The following ROR1 variants were observed in gnomAD, a reference collection of about 807,000 sequenced individuals.
ROR1 encodes ROR family WNT receptor 1.
ROR1 carries 19 observed loss-of-function variants against 78.8 expected under a neutral mutation model. The observed-to-expected ratio is 0.24, with a 90% CI of 0.17 to 0.35. The LOEUF is 0.35. Ranked by LOEUF, ROR1 falls within the 10% of genes least tolerant of loss-of-function variation. The probability of loss-of-function intolerance (pLI) is 1.00; values close to 1 mark genes in which losing one functional copy is unlikely to be tolerated. For missense variants in ROR1, 917 were observed against 1,177.8 expected, an observed-to-expected ratio of 0.78 and a Z score of 3.24; for synonymous variants, 386 against 433.6, an observed-to-expected ratio of 0.89 and a Z score of 1.36.
At chr1:63,788,284 G>A (rs999953662) in intron 1 of ROR1, among the ~76,000 whole-genome samples, 4 of 152,162 alleles carry the variant, frequency 2.6e-5, no homozygotes, top group Non-Finnish European at 5.9e-5. Context: ...ATTCAGAAAT[G>A]TATAATGAAA....
chr1:64,054,478 G>A (rs185758127), intron 4 of ROR1, among the ~76,000 whole-genome samples: 2 of 152,164 alleles, frequency 1.3e-5, no homozygotes, highest in East Asian at 3.9e-4. Context: ...TTAATTTGGA[G>A]AAACTTCACT....
At chr1:63,940,097 A>T (rs1041449696) in intron 1 of ROR1, among the ~76,000 whole-genome samples, 1 of 152,072 alleles carries the variant, frequency 6.6e-6, no homozygotes, top group African/African-American at 2.4e-5. Context: ...CTCTGTAGTG[A>T]CTCATGAGCC....
intron 1 of ROR1, chr1:63,789,140 C>A: frequency 1.7e-6 from 1 of 601,078 alleles, no homozygotes; most frequent in Non-Finnish European, 3.2e-6. Context: ...AATGGACAGT[C>A]ATTGGCTTGC....
Position 63,865,780 on chromosome 1 carries a change from G to C in ROR1, c.91+91272G>C, listed in dbSNP as rs1449228227. Among the ~76,000 whole-genome samples the C allele has an allele frequency of 2.0e-5, 3 of 152,194 alleles. No homozygotes were observed. The East Asian group carries it at 5.8e-4, about 29-fold the overall frequency. The stretch of plus-strand genomic sequence containing the variant: ...AACAAATATTTTATTGGATTTGATT[G>C]TACATAGCGCTTGTGACTGAATCAG... On this transcript the variant is annotated intron_variant, in intron 1 of 8. Coordinates refer to ENST00000371079, the MANE Select transcript of ROR1 (RefSeq NM_005012.4).
At chr1:64,141,074 T>C (rs1434347796) in intron 6 of ROR1, among the ~76,000 whole-genome samples, 3 of 152,172 alleles carry the variant, frequency 2.0e-5, no homozygotes, top group East Asian at 1.9e-4. Flanking sequence ...ATATGGGGTT[T>C]CCTCTTAGGG....
Position 63,912,653 on chromosome 1 carries a change from G to A in ROR1, c.92-96652G>A, listed in dbSNP as rs186602106. On this transcript the variant is annotated intron_variant, in intron 1 of 8. Coordinates refer to ENST00000371079, the MANE Select transcript of ROR1 (RefSeq NM_005012.4). ...AGACAGTTAAGCAGAACATTCAGCCGGAGTTGTATCCTTGACACTGTTGGG... is the reference window on the plus strand; with the variant it reads ...AGACAGTTAAGCAGAACATTCAGCCAGAGTTGTATCCTTGACACTGTTGGG... Among the ~76,000 whole-genome samples the A allele has an allele frequency of 3.9e-5, 6 of 152,272 alleles. No homozygotes were observed. In the South Asian group the frequency reaches 8.3e-4, roughly 21 times the overall value.
At chr1:63,869,710 A>G (rs369445960) in intron 1 of ROR1, among the ~76,000 whole-genome samples, 1 of 152,210 alleles carries the variant, frequency 6.6e-6, no homozygotes, top group East Asian at 1.9e-4. Context: ...GTTGCAAAAC[A>G]ACACTCATGG....
intron 6 of ROR1, among the ~76,000 whole-genome samples, chr1:64,141,657 T>C (rs946420009): frequency 6.6e-5 from 10 of 152,198 alleles, no homozygotes; most frequent in African/African-American, 2.2e-4. Context: ...TACATTTCCC[T>C]TTCATCTAGA....
At chr1:64,014,740 C>CTATGTGTATATATA (rs1646504735) in intron 2 of ROR1, among the ~76,000 whole-genome samples, 2 of 29,048 alleles carry the variant, frequency 6.9e-5, no homozygotes, top group African/African-American at 2.2e-4. Flanking sequence ...CATACGCACA[C>CTATGTGTATATATA]TATATATATA....
At chr1:63,913,058 G>C (rs1438070561) in intron 1 of ROR1, among the ~76,000 whole-genome samples, 2 of 151,666 alleles carry the variant, frequency 1.3e-5, no homozygotes, top group South Asian at 2.1e-4. Flanking sequence ...AAAAAAAAAG[G>C]CTCCACCTTC....
chr1:63,859,760 A>G (rs1327993592), intron 1 of ROR1, among the ~76,000 whole-genome samples: 2 of 152,184 alleles, frequency 1.3e-5, no homozygotes, highest in Non-Finnish European at 2.9e-5. Context: ...GAAAGTGCAA[A>G]GGCTTCAGTG....
chr1:63,870,262 G>A (rs1645243264), intron 1 of ROR1, among the ~76,000 whole-genome samples: 1 of 152,028 alleles, frequency 6.6e-6, no homozygotes, highest in Non-Finnish European at 1.5e-5. Flanking sequence ...GTCTGCATGC[G>A]GACATTTAGC....
intron 1 of ROR1, among the ~76,000 whole-genome samples, chr1:63,783,418 GAAT>G (rs2100224270): frequency 6.6e-6 from 1 of 152,192 alleles, no homozygotes; most frequent in African/African-American, 2.4e-5. Context: ...TTGATGAAAA[GAAT>G]AATAGTATAC....
chr1:63,992,967 C>T (rs897653398), intron 1 of ROR1, among the ~76,000 whole-genome samples: 1 of 152,086 alleles, frequency 6.6e-6, no homozygotes, highest in African/African-American at 2.4e-5. Flanking sequence ...CTTTTTCTGC[C>T]TGCCAGTCAG....
chr1:64,014,773 T>TATAC (rs71056017), intron 2 of ROR1, among the ~76,000 whole-genome samples: 2 of 47,008 alleles, frequency 4.3e-5, no homozygotes, highest in African/African-American at 1.1e-4. Context: ...TATATATATA[T>TATAC]ACACATTTTG....
At chr1:64,163,071 GCAGA>G (rs946392987) in intron 8 of ROR1, among the ~76,000 whole-genome samples, 3 of 152,112 alleles carry the variant, frequency 2.0e-5, no homozygotes, top group Non-Finnish European at 2.9e-5. Flanking sequence ...TGGAGGTTAG[GCAGA>G]CAGAGAGGTT....
intron 8 of ROR1, among the ~76,000 whole-genome samples, chr1:64,175,016 T>A (rs1022780650): frequency 2.3e-4 from 35 of 150,388 alleles, no homozygotes; most frequent in African/African-American, 8.3e-4. Flanking sequence ...TTTTTTTTTT[T>A]TAAAAAAATA....
At chr1:64,072,996 G>A (rs985692540) in intron 4 of ROR1, among the ~76,000 whole-genome samples, 1 of 152,068 alleles carries the variant, frequency 6.6e-6, no homozygotes, top group African/African-American at 2.4e-5. Context: ...AAATAAACAA[G>A]ATTTAAAGGA....
At chr1:64,022,326 G>A (rs1033687562) in intron 2 of ROR1, among the ~76,000 whole-genome samples, 1 of 152,180 alleles carries the variant, frequency 6.6e-6, no homozygotes, top group Admixed American at 6.5e-5. Flanking sequence ...AATGGTGGTT[G>A]TACAACATTG....
Sources: allele counts gnomAD v4.1 joint callset (sites outside exome capture counted in the v4.1 genomes callset), GRCh38; gene constraint gnomAD v4.1.1; transcripts MANE v1.5; gene names NCBI Gene and HGNC (gene_info 2026-07-23, HGNC 2026-07-21).